The following WASF3 variants were observed in gnomAD, a reference collection of about 807,000 sequenced individuals.
WASF3 encodes WASP family member 3, also known as actin-binding protein WASF3.
Under a neutral mutation model 46.6 loss-of-function variants are expected in WASF3, and 11 were observed. That is an observed-to-expected ratio of 0.24 (90% CI 0.15 to 0.39). WASF3 has a LOEUF of 0.39. Ranked by LOEUF, WASF3 falls within the 10% of genes least tolerant of loss-of-function variation. The probability of loss-of-function intolerance (pLI) is 1.00; values close to 1 mark genes in which losing one functional copy is unlikely to be tolerated. For missense variants in WASF3, 576 were observed against 669.8 expected (o/e 0.86, Z 1.55); for synonymous variants, 242 against 259.7 (o/e 0.93, Z 0.65).
intron 1 of WASF3, among the ~76,000 whole-genome samples, chr13:26,580,712 G>A (rs1332421886): frequency 2.0e-5 from 3 of 149,166 alleles, no homozygotes; most frequent in Non-Finnish European, 4.4e-5. Context: ...CTCAACCTCC[G>A]CCTCCCGGGT....
chr13:26,653,498 G>C (rs1160309609), intron 3 of WASF3, among the ~76,000 whole-genome samples: 2 of 152,068 alleles, frequency 1.3e-5, no homozygotes, highest in Non-Finnish European at 2.9e-5. Context: ...CCAGTGACTC[G>C]CATGCTGCTA....
chr13:26,649,289 A>G (rs1435348733), intron 3 of WASF3, among the ~76,000 whole-genome samples: 2 of 152,118 alleles, frequency 1.3e-5, no homozygotes, highest in African/African-American at 4.8e-5. Flanking sequence ...GTGGAAAAGG[A>G]AAAATATGTG....
chr13:26,545,937 G>A, the WASF3 span, among the ~76,000 whole-genome samples: 4 of 152,190 alleles, frequency 2.6e-5, no homozygotes, highest in Non-Finnish European at 4.4e-5. Context: ...TTGGCTTTCA[G>A]TCTTAATGTG....
chr13:26,582,025 T>A (rs1879992886), intron 1 of WASF3, among the ~76,000 whole-genome samples: 1 of 152,264 alleles, frequency 6.6e-6, no homozygotes, highest in Non-Finnish European at 1.5e-5. Context: ...ACCAAATTTA[T>A]GGTTCACTGT....
chr13:26,558,758 CGA>C (rs756071179), intron 1 of WASF3, among the ~76,000 whole-genome samples: 5 of 152,124 alleles, frequency 3.3e-5, no homozygotes, highest in Non-Finnish European at 5.9e-5. Flanking sequence ...GCAACAGTCT[CGA>C]GTTTTCAAAA....
chr13:26,579,684 C>T (rs1050983896), intron 1 of WASF3, among the ~76,000 whole-genome samples: 7 of 152,236 alleles, frequency 4.6e-5, no homozygotes, highest in Middle Eastern at 3.4e-3. Flanking sequence ...GACCCCCTCA[C>T]CCAGTGTTCA....
intron 3 of WASF3, among the ~76,000 whole-genome samples, chr13:26,646,294 G>A (rs932628668): frequency 6.6e-6 from 1 of 152,102 alleles, no homozygotes; most frequent in African/African-American, 2.4e-5. Flanking sequence ...GTAAAGGAAT[G>A]TTTTTATGTT....
At chr13:26,604,814 C>T (rs1880745417) in intron 1 of WASF3, among the ~76,000 whole-genome samples, 1 of 152,168 alleles carries the variant, frequency 6.6e-6, no homozygotes, top group Non-Finnish European at 1.5e-5. Flanking sequence ...TCAAGGGCCT[C>T]CCTGGAAGCC....
At chr13:26,603,987 A>T (rs1265198113) in intron 1 of WASF3, among the ~76,000 whole-genome samples, 2 of 152,196 alleles carry the variant, frequency 1.3e-5, no homozygotes, top group Non-Finnish European at 2.9e-5. Context: ...TGTTGGAGTT[A>T]GGAGGGTGGG....
At chr13:26,612,613 C>T (rs1881012080) in intron 1 of WASF3, among the ~76,000 whole-genome samples, 1 of 152,180 alleles carries the variant, frequency 6.6e-6, no homozygotes, top group Non-Finnish European at 1.5e-5. Context: ...TTATTTGATT[C>T]AGTCTGTAGG....
rs1375265526 is a variant in WASF3, at chr13:26,682,560, A to C, written c.984-47A>C. The C allele has an allele frequency of 6.2e-7, 1 of 1,611,652 alleles. No individual in the cohort carries two copies. ...GGTGTCTAAGAGCTCCCAGGACGTG[A>C]CCCTCTCTTGTTCCCTTGGTGACTA... On this transcript the variant is annotated intron_variant, in intron 8 of 9. Coordinates refer to ENST00000335327, the MANE Select transcript of WASF3 (RefSeq NM_006646.6). The surrounding 1 kb of genome is among the most constrained non-coding windows in gnomAD (Gnocchi z 4.4).
intron 2 of WASF3, among the ~76,000 whole-genome samples, chr13:26,636,249 C>T (rs2137272254): frequency 6.6e-6 from 1 of 152,374 alleles, no homozygotes; most frequent in Admixed American, 6.5e-5. Flanking sequence ...AGGCTGCTTC[C>T]TCACAGGTTG....
chr13:26,588,649 C>A (rs574645313), intron 1 of WASF3, among the ~76,000 whole-genome samples: 1 of 152,220 alleles, frequency 6.6e-6, no homozygotes, highest in South Asian at 2.1e-4. Context: ...TTTTAAAATG[C>A]GTAACAGTTT....
intron 1 of WASF3, among the ~76,000 whole-genome samples, chr13:26,578,973 A>G (rs78877305): frequency 0.076 from 7,213 of 95,294 alleles, 245 homozygotes; most frequent in South Asian, 0.13. Context: ...AGCTAACCTT[A>G]TATTCTTGGG....
intron 3 of WASF3, among the ~76,000 whole-genome samples, chr13:26,648,157 C>T (rs1191732951): frequency 6.6e-6 from 1 of 152,058 alleles, no homozygotes; most frequent in Non-Finnish European, 1.5e-5. Context: ...TCTTAGGAGT[C>T]ATCAGGCTTC....
intron 7 of WASF3, among the ~76,000 whole-genome samples, chr13:26,678,355 T>C (rs1593186031): frequency 6.6e-6 from 1 of 152,194 alleles, no homozygotes; most frequent in African/African-American, 2.4e-5. Context: ...AAATGAAATA[T>C]GATCTATAGT....
chr13:26,592,650 G>T (rs1880339780), intron 1 of WASF3, among the ~76,000 whole-genome samples: 2 of 152,070 alleles, frequency 1.3e-5, no homozygotes, highest in Admixed American at 1.3e-4. Flanking sequence ...CACTATAAAG[G>T]CCCTACCTCC....
intron 1 of WASF3, among the ~76,000 whole-genome samples, chr13:26,563,740 C>T (rs940358328): frequency 1.4e-5 from 2 of 143,924 alleles, no homozygotes; most frequent in African/African-American, 2.5e-5. Context: ...GCTTCTGTTT[C>T]TTCTCTGTGC....
chr13:26,651,577 A>G (rs1048402924), intron 3 of WASF3, among the ~76,000 whole-genome samples: 4 of 152,202 alleles, frequency 2.6e-5, no homozygotes, highest in Non-Finnish European at 5.9e-5. Flanking sequence ...TGTTCAGACA[A>G]AAGTCTCAGA....
Sources: allele counts gnomAD v4.1 joint callset (sites outside exome capture counted in the v4.1 genomes callset), GRCh38; gene constraint gnomAD v4.1.1; non-coding constraint Gnocchi (gnomAD v3.1); transcripts MANE v1.5; gene names NCBI Gene and HGNC (gene_info 2026-07-23, HGNC 2026-07-21).